The following ALPK1 variants were observed in gnomAD, a reference collection of about 807,000 sequenced individuals.
The protein encoded by ALPK1 is alpha-protein kinase 1.
Under a neutral mutation model 120.6 loss-of-function variants are expected in ALPK1, and 110 were observed. The observed-to-expected ratio is 0.91, with a 90% confidence interval of 0.78 to 1.07. ALPK1 has a LOEUF of 1.07. Ranked by LOEUF, ALPK1 falls within the 50% of genes least tolerant of loss-of-function variation. The pLI is 0.00. For missense variants in ALPK1, 1,498 were observed against 1,483.9 expected (o/e 1.01, Z -0.16); for synonymous variants, 582 against 560.3 (o/e 1.04, Z -0.55).
At chr4:112,317,466 A>G (rs77279949) in intron 2 of ALPK1, among the ~76,000 whole-genome samples, 2 of 152,188 alleles carry the variant, frequency 1.3e-5, no homozygotes, top group Non-Finnish European at 2.9e-5. Context: ...GTGGATATAC[A>G]GTTTTCCCAA....
chr4:112,303,207 G>C (rs1381810009), intron 1 of ALPK1, among the ~76,000 whole-genome samples: 1 of 151,884 alleles, frequency 6.6e-6, no homozygotes, highest in East Asian at 1.9e-4. Context: ...GTTCACCTTG[G>C]ATGTACTTAA....
intron 5 of ALPK1, among the ~76,000 whole-genome samples, chr4:112,418,877 T>C (rs190398058): frequency 1.1e-4 from 16 of 152,154 alleles, no homozygotes; most frequent in African/African-American, 3.9e-4. Flanking sequence ...AAAAAGTACC[T>C]CATTACTGCT....
chr4:112,333,977 A>AT (rs1430261684), intron 2 of ALPK1, among the ~76,000 whole-genome samples: 1 of 149,740 alleles, frequency 6.7e-6, no homozygotes, highest in Non-Finnish European at 1.5e-5. Flanking sequence ...ATTTTTATTT[A>AT]TTTTTTAACT....
intron 2 of ALPK1, among the ~76,000 whole-genome samples, chr4:112,325,506 C>A (rs1729074247): frequency 6.6e-6 from 1 of 152,232 alleles, no homozygotes; most frequent in African/African-American, 2.4e-5. Flanking sequence ...ATATTTAGGT[C>A]ATTCACATTC....
intron 4 of ALPK1, among the ~76,000 whole-genome samples, chr4:112,408,662 T>C (rs917422703): frequency 2.0e-5 from 3 of 152,056 alleles, no homozygotes; most frequent in Non-Finnish European, 4.4e-5. Context: ...TTAGTAGAGA[T>C]GGGGTTTCAC....
chr4:112,314,560 C>A (rs1043779127), intron 1 of ALPK1, among the ~76,000 whole-genome samples: 1 of 152,128 alleles, frequency 6.6e-6, no homozygotes, highest in African/African-American at 2.4e-5. Context: ...AATGGAGAGT[C>A]CTGGATCATC....
chr4:112,324,064 A>G (rs1355837515), intron 2 of ALPK1, among the ~76,000 whole-genome samples: 1 of 152,110 alleles, frequency 6.6e-6, no homozygotes, highest in Non-Finnish European at 1.5e-5. Flanking sequence ...GTGGTGGCTC[A>G]TGCCTGTAAT....
chr4:112,431,003 A>G lies in ALPK1; in HGVS notation c.1456A>G (p.Thr486Ala), dbSNP rs1025838384. Residue 486 changes from threonine to alanine, a missense_variant, in exon 11 of 16, where the codon ACA becomes GCA. Coordinates refer to ENST00000650871, the MANE Select transcript of ALPK1 (RefSeq NM_025144.4). ...CAAAAATGAACAGAAAGATGCAAAA[A>G]CAGGAGTCTGCATCACTGCTCTAAA... ...NNKNEQKDAK[T>A]GVCITALKTE... is the part of the protein sequence containing the mutation. The G allele has an allele frequency of 3.7e-6, 6 of 1,613,326 alleles. No individual in the cohort carries two copies. Among genetic ancestry groups the G allele is most frequent in the African/African-American group, 1.3e-5 (1 of 74,828 alleles).
chr4:112,388,871 A>G (rs1732272458), intron 4 of ALPK1, among the ~76,000 whole-genome samples: 2 of 152,182 alleles, frequency 1.3e-5, no homozygotes, highest in African/African-American at 2.4e-5. Flanking sequence ...TGCTCAATCT[A>G]TGTTCTTTAA....
chr4:112,405,730 C>G (rs1404762448), intron 4 of ALPK1, among the ~76,000 whole-genome samples: 1 of 152,096 alleles, frequency 6.6e-6, no homozygotes, highest in African/African-American at 2.4e-5. Flanking sequence ...CATGCCCCAC[C>G]ACACCTGGCT....
chr4:112,412,123 G>C, intron 5 of ALPK1, 98 bp downstream of exon 5: 1 of 1,461,016 alleles, frequency 6.8e-7, no homozygotes, highest in Non-Finnish European at 9.4e-7. Flanking sequence ...CGGAGCACCC[G>C]GGCCCTGCGT....
At chr4:112,371,905 A>G (rs568054312) in intron 2 of ALPK1, among the ~76,000 whole-genome samples, 13 of 152,348 alleles carry the variant, frequency 8.5e-5, no homozygotes, top group African/African-American at 2.9e-4. Context: ...GTCTATTTAG[A>G]CTGCTGCTGA....
intron 2 of ALPK1, among the ~76,000 whole-genome samples, chr4:112,330,030 A>G (rs998546805): frequency 2.6e-5 from 4 of 152,256 alleles, no homozygotes; most frequent in African/African-American, 4.8e-5. Context: ...CCAAAATCCA[A>G]TGTAAGCAAA....
chr4:112,318,605 G>C (rs1728735374), intron 2 of ALPK1, among the ~76,000 whole-genome samples: 1 of 152,242 alleles, frequency 6.6e-6, no homozygotes. Context: ...AGTCTTTAGA[G>C]AAGTACCTTT....
At chr4:112,389,112 T>G (rs1392035898) in intron 4 of ALPK1, among the ~76,000 whole-genome samples, 2 of 151,154 alleles carry the variant, frequency 1.3e-5, no homozygotes, top group Non-Finnish European at 2.9e-5. Flanking sequence ...TGGCGTGATC[T>G]CGGCTCACTG....
At chr4:112,332,460 T>C (rs191241228) in intron 2 of ALPK1, among the ~76,000 whole-genome samples, 2 of 152,352 alleles carry the variant, frequency 1.3e-5, no homozygotes, top group East Asian at 1.9e-4. Flanking sequence ...GTCACATATA[T>C]GTCTTGCCAA....
At position 112,348,133 on chromosome 4, in the gene ALPK1, C is replaced by T. The variant is rs183060515; in HGVS notation, c.-100-29545C>T. Among the ~76,000 whole-genome samples, 8 of 152,292 alleles carry T rather than the reference C, an allele frequency of 5.3e-5. No homozygotes were observed. The East Asian group carries it at 9.6e-4, about 18-fold the overall frequency. ...GAGCACATTTGCTCTGCAACTTAGC[C>T]GCATTTCACTCAGTCACATAACTCT... On this transcript the variant is annotated intron_variant, in intron 2 of 15. Coordinates refer to ENST00000650871, the MANE Select transcript of ALPK1 (RefSeq NM_025144.4).
intron 1 of ALPK1, among the ~76,000 whole-genome samples, chr4:112,300,070 G>A (rs1477393538): frequency 2.6e-5 from 4 of 152,108 alleles, no homozygotes; most frequent in Non-Finnish European, 5.9e-5. Flanking sequence ...TCGCAAACAT[G>A]TTCATCATAA....
At chr4:112,428,161 G>A (rs896718839) in intron 9 of ALPK1, 2 of 153,244 alleles carry the variant, frequency 1.3e-5, no homozygotes, top group South Asian at 2.0e-4. Context: ...CTATGAGGAG[G>A]GTAGAGCAAA....
Sources: allele counts gnomAD v4.1 joint callset (sites outside exome capture counted in the v4.1 genomes callset), GRCh38; gene constraint gnomAD v4.1.1; transcripts MANE v1.5; gene names NCBI Gene and HGNC (gene_info 2026-07-23, HGNC 2026-07-21).